CSMD3: variants seen among roughly 807,000 people sequenced by gnomAD.
CSMD3 encodes CUB and sushi domain-containing protein 3.
Under a neutral mutation model 435.2 loss-of-function variants are expected in CSMD3, and 177 were observed. The observed-to-expected ratio is 0.41, with a 90% CI of 0.36 to 0.46. The LOEUF is 0.46. Ranked by LOEUF, CSMD3 falls within the 20% of genes least tolerant of loss-of-function variation. CSMD3 has a pLI of 0.34. For synonymous variants in CSMD3, 1,656 were observed against 1,520.5 expected (o/e 1.09, Z -2.07); for missense variants, 4,265 against 4,504.6 (o/e 0.95, Z 1.52).
intron 3 of CSMD3, among the ~76,000 whole-genome samples, chr8:113,204,620 G>A (rs2132045193): frequency 6.6e-6 from 1 of 152,240 alleles, no homozygotes; most frequent in South Asian, 2.1e-4. Flanking sequence ...GACTCAGCCA[G>A]AGGAACTTTC....
intron 10 of CSMD3, among the ~76,000 whole-genome samples, chr8:112,913,955 C>T (rs904816947): frequency 1.1e-4 from 17 of 151,756 alleles, no homozygotes; most frequent in African/African-American, 3.4e-4. Flanking sequence ...CATACTTTTT[C>T]GTTGCTGTTT....
chr8:112,671,593 C>G (rs544649872), intron 16 of CSMD3, among the ~76,000 whole-genome samples: 60 of 152,146 alleles, frequency 3.9e-4, no homozygotes, highest in African/African-American at 1.3e-3. Flanking sequence ...TTAACTCTGA[C>G]AGAGAAATTT....
chr8:113,051,963 C>A (rs971124), intron 5 of CSMD3, among the ~76,000 whole-genome samples: 103,489 of 152,090 alleles, frequency 0.68, 37,054 homozygotes, highest in East Asian at 0.95. Flanking sequence ...CATTATAATA[C>A]ATTTGGAGAT....
chr8:113,011,381 A>C (rs994785334), intron 6 of CSMD3, among the ~76,000 whole-genome samples: 6 of 151,906 alleles, frequency 3.9e-5, no homozygotes, highest in Non-Finnish European at 8.9e-5. Context: ...TCCAATGTAG[A>C]ATAGTTTGTT....
chr8:113,134,626 T>A (rs963762229), intron 4 of CSMD3, among the ~76,000 whole-genome samples: 1 of 151,946 alleles, frequency 6.6e-6, no homozygotes, highest in Non-Finnish European at 1.5e-5. Flanking sequence ...CATACACACA[T>A]ATGAAATATT....
At chr8:112,407,040 G>A (rs907979219) in intron 34 of CSMD3, among the ~76,000 whole-genome samples, 2 of 151,736 alleles carry the variant, frequency 1.3e-5, no homozygotes, top group East Asian at 1.9e-4. Flanking sequence ...TAATTTGTGG[G>A]ATGAAAACTG....
chr8:113,168,594 G>A (rs1445255333), intron 4 of CSMD3, among the ~76,000 whole-genome samples: 1 of 144,394 alleles, frequency 6.9e-6, no homozygotes, highest in African/African-American at 2.6e-5. Flanking sequence ...TCTTTACAGT[G>A]AATAGATAAA....
intron 13 of CSMD3, among the ~76,000 whole-genome samples, chr8:112,694,905 G>C (rs1023923919): frequency 2.0e-5 from 3 of 152,092 alleles, no homozygotes; most frequent in Non-Finnish European, 4.4e-5. Context: ...GGTGATTTCT[G>C]CATTTCCAAC....
chr8:112,487,034 T>G (rs965100716), intron 31 of CSMD3, among the ~76,000 whole-genome samples: 22 of 152,220 alleles, frequency 1.4e-4, no homozygotes, highest in African/African-American at 5.3e-4. Flanking sequence ...ATATTATAAC[T>G]GCCTATTAAT....
chr8:113,167,039 G>A (rs552665514), intron 4 of CSMD3, among the ~76,000 whole-genome samples: 1 of 151,940 alleles, frequency 6.6e-6, no homozygotes, highest in African/African-American at 2.4e-5. Context: ...ATAGGTTAAG[G>A]TTTTATATCT....
chr8:112,592,353 T>C (rs1831264592), intron 22 of CSMD3, among the ~76,000 whole-genome samples: 1 of 152,018 alleles, frequency 6.6e-6, no homozygotes, highest in African/African-American at 2.4e-5. Context: ...ATAATAGTAC[T>C]TAACTGGCTT....
At chr8:113,182,891 TG>T (rs201019023) in intron 3 of CSMD3, among the ~76,000 whole-genome samples, 9,845 of 152,090 alleles carry the variant, frequency 0.065, 446 homozygotes, top group Non-Finnish European at 0.095. Context: ...TTGTTGTTGT[TG>T]TTGTTATCGT....
chr8:112,410,609 T>TTC (rs1423399868), intron 32 of CSMD3, among the ~76,000 whole-genome samples: 7 of 37,342 alleles, frequency 1.9e-4, no homozygotes, highest in Non-Finnish European at 3.8e-4. Flanking sequence ...TATGTGTATA[T>TTC]ATATATGTAT....
At chr8:113,138,563 G>T (rs2091471780) in intron 4 of CSMD3, among the ~76,000 whole-genome samples, 2 of 151,240 alleles carry the variant, frequency 1.3e-5, no homozygotes, top group Non-Finnish European at 3.0e-5. Flanking sequence ...AAACTTCAAT[G>T]CTTTTATATT....
chr8:112,927,835 A>G (rs2082959536), intron 9 of CSMD3, among the ~76,000 whole-genome samples: 1 of 152,128 alleles, frequency 6.6e-6, no homozygotes, highest in Admixed American at 6.6e-5. Flanking sequence ...TTCAGCATTC[A>G]CACACTTTCA....
intron 13 of CSMD3, among the ~76,000 whole-genome samples, chr8:112,789,617 C>G (rs1275341179): frequency 7.0e-4 from 65 of 93,046 alleles, no homozygotes; most frequent in Non-Finnish European, 7.4e-5. Flanking sequence ...TAGTATATGA[C>G]AGATAATTCA....
At chr8:112,574,826 C>T (rs2131306882) in intron 23 of CSMD3, among the ~76,000 whole-genome samples, 2 of 151,990 alleles carry the variant, frequency 1.3e-5, no homozygotes, top group South Asian at 4.1e-4. Flanking sequence ...GAGAATACTG[C>T]TTGAAGTTAC....
chr8:113,251,913 G>T (rs2093338261), intron 3 of CSMD3, among the ~76,000 whole-genome samples: 1 of 152,034 alleles, frequency 6.6e-6, no homozygotes. Context: ...TTTTAAAAGT[G>T]TATACATAAA....
chr8:112,910,615 C>A (rs561390869), intron 10 of CSMD3, among the ~76,000 whole-genome samples: 13 of 151,926 alleles, frequency 8.6e-5, no homozygotes, highest in African/African-American at 3.1e-4. Flanking sequence ...TGGCTCAGAT[C>A]TCACCTGTAT....
Sources: allele counts gnomAD v4.1 joint callset (sites outside exome capture counted in the v4.1 genomes callset), GRCh38; gene constraint gnomAD v4.1.1; transcripts MANE v1.5; gene names NCBI Gene and HGNC (gene_info 2026-07-23, HGNC 2026-07-21).